GRIA1: variants seen among roughly 807,000 people sequenced by gnomAD.
GRIA1 encodes the protein glutamate receptor 1.
GRIA1 carries 31 observed loss-of-function variants against 99.2 expected under a neutral mutation model. The observed-to-expected ratio is 0.31, with a 90% CI of 0.23 to 0.42. The LOEUF (loss-of-function observed/expected upper bound fraction) is 0.42. Ranked by LOEUF, GRIA1 falls within the 10% of genes least tolerant of loss-of-function variation. GRIA1 has a pLI of 1.00. For missense variants in GRIA1, 782 were observed against 1,157.5 expected (o/e 0.68, Z 4.71); for synonymous variants, 438 against 432.4 (o/e 1.01, Z -0.16).
chr5:153,759,829 A>T (rs1370998001), intron 11 of GRIA1, among the ~76,000 whole-genome samples: 3 of 152,136 alleles, frequency 2.0e-5, no homozygotes, highest in Non-Finnish European at 2.9e-5. Flanking sequence ...TCAACAGCAC[A>T]TTAAAAAGAT....
At chr5:153,562,494 A>G (rs1561644042) in intron 2 of GRIA1, among the ~76,000 whole-genome samples, 1 of 152,218 alleles carries the variant, frequency 6.6e-6, no homozygotes, top group Non-Finnish European at 1.5e-5. Flanking sequence ...TCTATCAGTC[A>G]TAGTACTTTA....
upstream of GRIA1, chr5:153,490,166 G>A (rs555705074): frequency 5.7e-5 from 14 of 247,140 alleles, no homozygotes; most frequent in South Asian, 3.9e-4. Flanking sequence ...CCAGTGGAGT[G>A]CAGGAGATAT....
intron 8 of GRIA1, among the ~76,000 whole-genome samples, chr5:153,690,721 C>G (rs1489420325): frequency 1.3e-5 from 2 of 152,140 alleles, no homozygotes; most frequent in South Asian, 2.1e-4. Context: ...AATCCATGAG[C>G]AAATGGTTGT....
At chr5:153,584,767 T>G (rs529708089) in intron 2 of GRIA1, among the ~76,000 whole-genome samples, 27 of 152,222 alleles carry the variant, frequency 1.8e-4, no homozygotes, top group Non-Finnish European at 3.7e-4. Context: ...ATGAGATGAC[T>G]ACAATGTGGT....
intron 13 of GRIA1, among the ~76,000 whole-genome samples, chr5:153,789,029 C>T (rs1418546097): frequency 6.6e-6 from 1 of 152,184 alleles, no homozygotes; most frequent in African/African-American, 2.4e-5. Context: ...TCCTTAGGAA[C>T]CCATAGTATA....
intron 2 of GRIA1, among the ~76,000 whole-genome samples, chr5:153,522,898 C>T (rs1757276774): frequency 6.6e-6 from 1 of 151,988 alleles, no homozygotes; most frequent in Non-Finnish European, 1.5e-5. Context: ...AAAAATAGGG[C>T]CTAGAACATA....
At chr5:153,626,937 T>C (rs1292246014) in intron 2 of GRIA1, among the ~76,000 whole-genome samples, 1 of 152,214 alleles carries the variant, frequency 6.6e-6, no homozygotes, top group Non-Finnish European at 1.5e-5. Context: ...GTCATTTCTA[T>C]AAATTAGCAC....
chr5:153,726,736 G>A (rs150622780), intron 11 of GRIA1, among the ~76,000 whole-genome samples: 22 of 152,150 alleles, frequency 1.4e-4, no homozygotes, highest in Admixed American at 1.4e-3. Flanking sequence ...CTGAAATTGT[G>A]GCAATAATTA....
intron 6 of GRIA1, among the ~76,000 whole-genome samples, chr5:153,676,670 C>T (rs1756608424): frequency 6.6e-6 from 1 of 151,972 alleles, no homozygotes; most frequent in Non-Finnish European, 1.5e-5. Flanking sequence ...CCAAATGAAC[C>T]AACATTTTAA....
At chr5:153,751,030 G>A (rs912089904) in intron 11 of GRIA1, among the ~76,000 whole-genome samples, 1 of 152,156 alleles carries the variant, frequency 6.6e-6, no homozygotes, top group Non-Finnish European at 1.5e-5. Context: ...AGCCTGGGAG[G>A]CAGAGGTTGC....
intron 8 of GRIA1, among the ~76,000 whole-genome samples, chr5:153,688,352 A>G (rs1757486545): frequency 6.6e-6 from 1 of 152,228 alleles, no homozygotes; most frequent in African/African-American, 2.4e-5. Context: ...CTTGAGAATG[A>G]CATTTATCCA....
intron 11 of GRIA1, among the ~76,000 whole-genome samples, chr5:153,732,071 G>A (rs1324486456): frequency 6.6e-6 from 1 of 151,940 alleles, no homozygotes; most frequent in East Asian, 1.9e-4. Context: ...ATTGTAGGAT[G>A]TACTTCTTTT....
intron 2 of GRIA1, among the ~76,000 whole-genome samples, chr5:153,570,582 C>CT (rs964639293): frequency 2.6e-5 from 4 of 152,124 alleles, no homozygotes; most frequent in African/African-American, 9.7e-5. Flanking sequence ...AATGAAGAGT[C>CT]TGAGTATTCT....
At chr5:153,746,121 G>C (rs34847464) in intron 11 of GRIA1, among the ~76,000 whole-genome samples, 13,070 of 152,220 alleles carry the variant, frequency 0.086, 777 homozygotes, top group Non-Finnish European at 0.12. Flanking sequence ...GAAGTCTGTG[G>C]GGCTGCTGAA....
chr5:153,657,806 C>T (rs1193947696), intron 5 of GRIA1, among the ~76,000 whole-genome samples: 2 of 152,114 alleles, frequency 1.3e-5, no homozygotes, highest in Non-Finnish European at 2.9e-5. Context: ...AATTTAGGCC[C>T]AGCTGTTAAT....
In GRIA1 at chr5:153,612,218, A is replaced by G. The variant is rs1196452098; in HGVS notation, c.221-34710A>G. ...GATAGGAGAAAATATTTGAATAGAT[A>G]GGAGTGCTGAGAAGGGATAAGGAGA... On this transcript the variant is annotated intron_variant, in intron 2 of 15. Transcript: ENST00000285900. Among the ~76,000 whole-genome samples the G allele has an allele frequency of 5.3e-5, 8 of 152,374 alleles. No individual in the cohort carries two copies. In the East Asian group the frequency reaches 1.5e-3, roughly 29 times the overall value.
At chr5:153,521,804 A>C (rs996327600) in intron 2 of GRIA1, among the ~76,000 whole-genome samples, 3 of 152,146 alleles carry the variant, frequency 2.0e-5, no homozygotes, top group Non-Finnish European at 2.9e-5. Flanking sequence ...TACACCAAAG[A>C]TATTATAGCA....
At chr5:153,642,489 G>C (rs1319593413) in intron 2 of GRIA1, among the ~76,000 whole-genome samples, 1 of 152,094 alleles carries the variant, frequency 6.6e-6, no homozygotes, top group Non-Finnish European at 1.5e-5. Context: ...CACTTTAAGA[G>C]GCTGAGGTGG....
intron 2 of GRIA1, among the ~76,000 whole-genome samples, chr5:153,571,265 A>C (rs1762093144): frequency 1.3e-5 from 2 of 152,142 alleles, no homozygotes; most frequent in Non-Finnish European, 2.9e-5. Flanking sequence ...CTAATTACAC[A>C]GTACATTTGT....
Sources: allele counts gnomAD v4.1 joint callset (sites outside exome capture counted in the v4.1 genomes callset), GRCh38; gene constraint gnomAD v4.1.1; transcripts MANE v1.5; gene names NCBI Gene and HGNC (gene_info 2026-07-23, HGNC 2026-07-21).